TAFA2: variants seen among roughly 807,000 people sequenced by gnomAD.
TAFA2 encodes the protein TAFA chemokine like family member 2, also known as chemokine-like protein TAFA-2.
TAFA2 carries 7 observed loss-of-function variants against 18.8 expected under a neutral mutation model. The observed-to-expected ratio is 0.37, with a 90% CI of 0.21 to 0.70. TAFA2 has a LOEUF of 0.70. Among genes scored for constraint, TAFA2 ranks in the 30% least tolerant of loss-of-function variants. TAFA2 has a pLI of 0.53. For missense variants in TAFA2, 122 were observed against 158.1 expected, an observed-to-expected ratio of 0.77 and a Z score of 1.23; for synonymous variants, 60 against 54.2, an observed-to-expected ratio of 1.11 and a Z score of -0.47.
chr12:62,028,341 T>C (rs951856500), intron 1 of TAFA2, among the ~76,000 whole-genome samples: 1 of 152,132 alleles, frequency 6.6e-6, no homozygotes, highest in Non-Finnish European at 1.5e-5. Flanking sequence ...AGTTCTTGGC[T>C]CCTTCACAGT....
chr12:62,131,670 G>A (rs1054714960), intron 1 of TAFA2, among the ~76,000 whole-genome samples: 2 of 151,976 alleles, frequency 1.3e-5, no homozygotes, highest in African/African-American at 4.8e-5. Context: ...GTTCACTTGA[G>A]TGTAAATTTT....
At chr12:61,973,971 A>T (rs1163172269) in intron 1 of TAFA2, among the ~76,000 whole-genome samples, 1 of 151,762 alleles carries the variant, frequency 6.6e-6, no homozygotes. Context: ...TTGATGCAAT[A>T]AAAATTCTTA....
chr12:61,717,458 C>G (rs1381569049), intron 4 of TAFA2, among the ~76,000 whole-genome samples: 1 of 152,176 alleles, frequency 6.6e-6, no homozygotes, highest in East Asian at 1.9e-4. Context: ...ATTGTATTTT[C>G]ATACCACAGC....
At chr12:61,712,526 G>T (rs1032942720) in intron 4 of TAFA2, among the ~76,000 whole-genome samples, 7 of 151,946 alleles carry the variant, frequency 4.6e-5, no homozygotes, top group Admixed American at 6.6e-5. Flanking sequence ...TATAAATAAG[G>T]ATATAACCCA....
chr12:62,116,608 T>C (rs1869973149), intron 1 of TAFA2, among the ~76,000 whole-genome samples: 1 of 152,202 alleles, frequency 6.6e-6, no homozygotes. Flanking sequence ...GTAAAATTTT[T>C]CCTCTAATTT....
At chr12:62,111,594 A>G (rs954173414) in intron 1 of TAFA2, among the ~76,000 whole-genome samples, 3 of 152,010 alleles carry the variant, frequency 2.0e-5, no homozygotes, top group Admixed American at 2.0e-4. Context: ...TGGTATTAAA[A>G]TCTCCCACTA....
chr12:61,924,373 A>G (rs1256000393), intron 1 of TAFA2, among the ~76,000 whole-genome samples: 1 of 152,250 alleles, frequency 6.6e-6, no homozygotes, highest in African/African-American at 2.4e-5. Context: ...GAAGCCCATC[A>G]GACTAACAGC....
rs1872763796 is a variant in TAFA2, at chr12:61,832,718, C to T, written c.106+34602G>A. 3.9e-5 allele frequency among the ~76,000 whole-genome samples: 6 copies of T among 152,028 alleles called. No homozygotes were observed. The South Asian group carries it at 1.2e-3, about 31-fold the overall frequency. On this transcript the variant is annotated intron_variant, in intron 2 of 4. Transcript: ENST00000416284. ...TCAACCTTGCAAGCACTCTTTAAAA[C>T]TCTGTCTAAATATTACATTCATGAC...
At chr12:62,122,191 A>G (rs920467717) in intron 1 of TAFA2, among the ~76,000 whole-genome samples, 1 of 152,172 alleles carries the variant, frequency 6.6e-6, no homozygotes, top group African/African-American at 2.4e-5. Flanking sequence ...ACCTATGTAA[A>G]AAACCTGCAC....
At chr12:61,893,381 C>CA (rs1433982548) in intron 1 of TAFA2, among the ~76,000 whole-genome samples, 1 of 152,088 alleles carries the variant, frequency 6.6e-6, no homozygotes, top group Admixed American at 6.6e-5. Flanking sequence ...AAACCTCTTC[C>CA]AATAAGCTTT....
chr12:62,242,312 A>G (rs1207538394), intron 1 of TAFA2: 1 of 152,236 alleles, frequency 6.6e-6, no homozygotes, highest in East Asian at 1.9e-4. Context: ...AAAATCAAGC[A>G]ATTATCAACT....
chr12:61,837,216 T>G (rs1872970336), intron 2 of TAFA2, among the ~76,000 whole-genome samples: 2 of 152,102 alleles, frequency 1.3e-5, no homozygotes, highest in South Asian at 4.1e-4. Context: ...AATCAAAAAT[T>G]CTATATGAAA....
chr12:62,036,964 C>T (rs1323664890), intron 1 of TAFA2, among the ~76,000 whole-genome samples: 1 of 152,188 alleles, frequency 6.6e-6, no homozygotes, highest in Non-Finnish European at 1.5e-5. Context: ...AGGTCTCTTG[C>T]TATTCCAATT....
At chr12:61,828,025 T>C (rs990926043) in intron 2 of TAFA2, among the ~76,000 whole-genome samples, 11 of 151,942 alleles carry the variant, frequency 7.2e-5, no homozygotes, top group African/African-American at 2.7e-4. Context: ...GTGAGAATGT[T>C]TTTGACCTCA....
At position 61,822,835 on chromosome 12, in the gene TAFA2, T is replaced by A. The variant is rs551039835; in HGVS notation, c.106+44485A>T. ...ATCAATATGTAAATAAGTAAATGAA[T>A]GAGTGATTCATGTTGAAAGAAATAC... On this transcript the variant is annotated intron_variant, in intron 2 of 4. Transcript: ENST00000416284. Among the ~76,000 whole-genome samples, 12 of 152,278 alleles carry A rather than the reference T, an allele frequency of 7.9e-5. No homozygotes were observed. The South Asian group carries it at 2.5e-3, about 32-fold the overall frequency.
chr12:62,042,704 TC>T (rs1231995334), intron 1 of TAFA2, among the ~76,000 whole-genome samples: 4 of 152,134 alleles, frequency 2.6e-5, no homozygotes, highest in Non-Finnish European at 5.9e-5. Context: ...TTACTATACA[TC>T]TTTATAATGT....
At chr12:61,936,851 C>A (rs1877790296) in intron 1 of TAFA2, among the ~76,000 whole-genome samples, 1 of 152,026 alleles carries the variant, frequency 6.6e-6, no homozygotes, top group Non-Finnish European at 1.5e-5. Context: ...GAAGGGCATC[C>A]AAATTGGAAA....
intron 1 of TAFA2, among the ~76,000 whole-genome samples, chr12:62,137,057 C>G (rs1030178399): frequency 6.6e-6 from 1 of 152,068 alleles, no homozygotes; most frequent in Non-Finnish European, 1.5e-5. Context: ...CTGAAGCTTA[C>G]AGGGAGAAAA....
At chr12:62,242,327 A>G (rs574375211) in intron 1 of TAFA2, 1 of 152,348 alleles carries the variant, frequency 6.6e-6, no homozygotes, top group South Asian at 2.1e-4. Context: ...TCAACTTAAA[A>G]AAAGAAAAAA....
Sources: gnomAD v4.1 joint callset for allele counts (sites outside exome capture counted in the v4.1 genomes callset) on GRCh38, gnomAD v4.1.1 for gene constraint, MANE v1.5 for transcripts, NCBI Gene and HGNC (gene_info 2026-07-23, HGNC 2026-07-21) for gene names.